Variants in ADAMTS20 observed in about 807,000 individuals in gnomAD.
ADAMTS20 encodes ADAM metallopeptidase with thrombospondin type 1 motif 20, also known as A disintegrin and metalloproteinase with thrombospondin motifs 20.
ADAMTS20 carries 225 observed loss-of-function variants against 260.1 expected under a neutral mutation model. The observed-to-expected ratio is 0.87, with a 90% CI of 0.78 to 0.97. The LOEUF is 0.97. Among genes scored for constraint, ADAMTS20 ranks in the 50% least tolerant of loss-of-function variants. The probability of loss-of-function intolerance (pLI) is 0.00; values close to 1 mark genes in which losing one functional copy is unlikely to be tolerated. For synonymous variants in ADAMTS20, 802 were observed against 769.5 expected (o/e 1.04, Z -0.70); for missense variants, 2,400 against 2,337.7 (o/e 1.03, Z -0.55).
rs1355259996 is a variant in ADAMTS20 at position 43,359,396 on chromosome 12, A to G, written c.5539-2808T>C. Among the ~76,000 whole-genome samples the G allele has an allele frequency of 6.6e-5, 10 of 152,336 alleles. No individual in the cohort carries two copies. In the East Asian group the frequency reaches 1.9e-3, roughly 29 times the overall value. On this transcript the variant is annotated intron_variant, in intron 37 of 38. Coordinates refer to ENST00000389420, the MANE Select transcript of ADAMTS20 (RefSeq NM_025003.5). ...TGCTCATTAAATAATTATGTTTTAC[A>G]GTTTTTAAATGTACTGTACACATTT...
Position 43,472,267 on chromosome 12 carries a change from G to A in ADAMTS20, c.1118-3562C>T, listed in dbSNP as rs576016824. On this transcript the variant is annotated intron_variant, in intron 7 of 38. Transcript: ENST00000389420. ...GAAGATGAAATGAATGAAATGAAGT[G>A]AGAAGGGAAGTTTACAGAAAAAAGA... is the stretch of plus-strand genomic sequence containing the variant. Among the ~76,000 whole-genome samples, 23 of 152,178 alleles carry A rather than the reference G, an allele frequency of 1.5e-4. No individual in the cohort carries two copies. The South Asian group carries it at 4.6e-3, about 30-fold the overall frequency.
rs775013375 is a variant in ADAMTS20 at position 43,434,275 on chromosome 12, G to C, written c.2690C>G (p.Thr897Ser). ...TTCACAGTCTGTATTGCAACTTTGA[G>C]TAACAAATGATGGAAGTGGCAAGTG... ...CDHLPLPSFV[T>S]QSCNTDCELR... The change falls in exon 19 of 39, where the codon ACT becomes AGT. Residue 897 changes from threonine (T) to serine (S), a missense_variant. Thr to Ser is a moderately conservative substitution (Grantham distance 58). Transcript: ENST00000389420. 6.3e-7 allele frequency: 1 copy of C among 1,588,014 alleles called. No individual in the cohort carries two copies. The highest frequency in any genetic ancestry group is 1.1e-5 in the South Asian group (1 of 87,278).
chr12:43,464,779 ATTCCAG>A (rs1477438158), intron 9 of ADAMTS20, 47 bp from the exon 10 acceptor site: 2 of 1,548,596 alleles, frequency 1.3e-6, no homozygotes, highest in Non-Finnish European at 1.8e-6. Context: ...ACATGGATGC[ATTCCAG>A]TATGATTCTT....
In ADAMTS20 at chr12:43,432,733, C is replaced by T. The variant is rs781286128; in HGVS notation, c.2799G>A (p.Lys933=). The T allele has an allele frequency of 1.9e-6, 3 of 1,613,630 alleles. No homozygotes were observed. The Admixed American group carries it at 5.0e-5, about 27-fold the overall frequency. ...CAGTCTGTCCTTCATGAATGGAATACTTCATGCAATGGATGTCCAAGGTTC... is the reference window on the plus strand; with the variant it reads ...CAGTCTGTCCTTCATGAATGGAATATTTCATGCAATGGATGTCCAAGGTTC... ...GYRTLDIHCM[K]YSIHEGQTVQ... Residue 933 remains lysine, a synonymous_variant, in exon 20 of 39, where the codon AAG becomes AAA. Coordinates refer to ENST00000389420, the MANE Select transcript of ADAMTS20 (RefSeq NM_025003.5).
intron 10 of ADAMTS20, 82 bp downstream of exon 10, chr12:43,464,509 G>A: frequency 8.8e-6 from 13 of 1,483,286 alleles, no homozygotes; most frequent in Non-Finnish European, 1.2e-5. Flanking sequence ...TTTAGTTCAA[G>A]AGAATAAACA....
At chr12:43,500,018 C>T (rs1942733922) in intron 4 of ADAMTS20, among the ~76,000 whole-genome samples, 1 of 128,454 alleles carries the variant, frequency 7.8e-6, no homozygotes, top group South Asian at 2.9e-4. Context: ...TCCCACCCAA[C>T]TTTCTTTCCT....
In ADAMTS20 at chr12:43,420,800, C is replaced by CTTTTTTTTTTTTTTTTTTTTTTTTTTT. The variant is rs747496684; in HGVS notation, c.4284+4713_4284+4714insAAAAAAAAAAAAAAAAAAAAAAAAAAA. On this transcript the variant is annotated intron_variant, in intron 28 of 38. Transcript: ENST00000389420. ...TCTTCTTCTTCTCCTCCTCCTCCTT[C>CTTTTTTTTTTTTTTTTTTTTTTTTTTT]TTTTTTTTTTTTTTTTTTTTTTTTT... Among the ~76,000 whole-genome samples the CTTTTTTTTTTTTTTTTTTTTTTTTTTT allele has an allele frequency of 1.2e-3, 68 of 55,510 alleles. 13 individuals carry two copies. The highest frequency in any genetic ancestry group is 0.011 in the Middle Eastern group (1 of 88). 36.4% of individuals were successfully genotyped at this position (55,510 alleles called of 152,430 possible).
intron 2 of ADAMTS20, among the ~76,000 whole-genome samples, chr12:43,535,760 G>C (rs1943286297): frequency 6.6e-6 from 1 of 151,760 alleles, no homozygotes. Context: ...TAATATTTTA[G>C]GTGCATTGAG....
At chr12:43,507,222 T>C (rs901893375) in intron 3 of ADAMTS20, among the ~76,000 whole-genome samples, 5 of 152,178 alleles carry the variant, frequency 3.3e-5, no homozygotes, top group African/African-American at 1.2e-4. Flanking sequence ...CTTGAATATA[T>C]ACAGTTTTTA....
At chr12:43,416,779 C>G (rs1050761396) in intron 28 of ADAMTS20, among the ~76,000 whole-genome samples, 4 of 152,144 alleles carry the variant, frequency 2.6e-5, no homozygotes, top group Non-Finnish European at 5.9e-5. Context: ...GCCTCGGCCT[C>G]CCAAAGTGCT....
intron 2 of ADAMTS20, among the ~76,000 whole-genome samples, chr12:43,540,638 T>C (rs1197849011): frequency 5.0e-5 from 1 of 19,886 alleles, no homozygotes; most frequent in African/African-American, 7.3e-5. Context: ...ATTAGCAGAC[T>C]TAAAAAAAAA....
chr12:43,545,253 T>C (rs1477005391), intron 2 of ADAMTS20, among the ~76,000 whole-genome samples: 1 of 152,214 alleles, frequency 6.6e-6, no homozygotes, highest in Non-Finnish European at 1.5e-5. Flanking sequence ...AGAGGAGATG[T>C]GCCTCCTAAT....
In ADAMTS20 at chr12:43,408,460, T is replaced by C. The variant is rs558967134; in HGVS notation, c.4285-9227A>G. ...AAATAGCAGGATTTACCATTTCAAG[T>C]TCCCACAAATGTTTTATGTGCTAGC... is the stretch of plus-strand genomic sequence containing the variant. On this transcript the variant is annotated intron_variant, in intron 28 of 38. Transcript: ENST00000389420. Among the ~76,000 whole-genome samples, 5 of 152,324 alleles carry C rather than the reference T, an allele frequency of 3.3e-5. No homozygotes were observed. In the South Asian group the frequency reaches 1.0e-3, roughly 32 times the overall value.
intron 18 of ADAMTS20, among the ~76,000 whole-genome samples, chr12:43,437,369 C>G (rs1941577107): frequency 6.6e-6 from 1 of 152,042 alleles, no homozygotes; most frequent in Non-Finnish European, 1.5e-5. Flanking sequence ...ATAAATTTCT[C>G]AAGACAAAGA....
At chr12:43,392,659 A>C (rs1217417371) in intron 29 of ADAMTS20, among the ~76,000 whole-genome samples, 1 of 152,060 alleles carries the variant, frequency 6.6e-6, no homozygotes, top group Non-Finnish European at 1.5e-5. Flanking sequence ...AATAACCCCA[A>C]CTGCCAAGTC....
In ADAMTS20 at chr12:43,527,594, G is replaced by T. The variant is rs371612013; in HGVS notation, c.613+4442C>A. Among the ~76,000 whole-genome samples, 6 of 151,960 alleles carry T rather than the reference G, an allele frequency of 3.9e-5. No homozygotes were observed. The East Asian group carries it at 1.2e-3, about 29-fold the overall frequency. ...ACAGAATTAGAAACAAAAACCATAT[G>T]ATCTCAACAGATGTAGAAAAAGCAC... On this transcript the variant is annotated intron_variant, in intron 3 of 38. Coordinates refer to ENST00000389420, the MANE Select transcript of ADAMTS20 (RefSeq NM_025003.5).
At chr12:43,463,413 T>C (rs114437556) in intron 10 of ADAMTS20, among the ~76,000 whole-genome samples, 2,069 of 152,304 alleles carry the variant, frequency 0.014, 52 homozygotes, top group African/African-American at 0.047. Context: ...GTATAATGTA[T>C]ACTGAAGTTT....
intron 14 of ADAMTS20, among the ~76,000 whole-genome samples, chr12:43,449,853 T>G (rs1941832625): frequency 6.6e-6 from 1 of 152,156 alleles, no homozygotes; most frequent in African/African-American, 2.4e-5. Flanking sequence ...CAACATCACA[T>G]GGGGTGGTAT....
At chr12:43,433,791 ATC>A in intron 19 of ADAMTS20, 1 of 490,434 alleles carries the variant, frequency 2.0e-6, no homozygotes. Flanking sequence ...TGCTGTCATG[ATC>A]TAGGATCAAT....
Sources: allele counts gnomAD v4.1 joint callset (sites outside exome capture counted in the v4.1 genomes callset), GRCh38; gene constraint gnomAD v4.1.1; transcripts MANE v1.5; gene names NCBI Gene and HGNC (gene_info 2026-07-23, HGNC 2026-07-21).